LPP: variants seen among roughly 807,000 people sequenced by gnomAD.
The protein encoded by LPP is LIM domain containing preferred translocation partner in lipoma, also known as lipoma-preferred partner.
In LPP, 38 loss-of-function variants were observed where a neutral mutation model predicts 60.4. The ratio of observed to expected loss-of-function variants is 0.63; its 90% CI spans 0.49 to 0.83. The LOEUF (loss-of-function observed/expected upper bound fraction) is 0.83. Among genes scored for constraint, LPP ranks in the 40% least tolerant of loss-of-function variants. The probability of loss-of-function intolerance (pLI) is 0.00; values close to 1 mark genes in which losing one functional copy is unlikely to be tolerated. For missense variants in LPP, 902 were observed against 783.6 expected (o/e 1.15, Z -1.80); for synonymous variants, 328 against 290.8 (o/e 1.13, Z -1.30).
chr3:188,390,328 C>T (rs1228659415), intron 3 of LPP, among the ~76,000 whole-genome samples: 1 of 152,114 alleles, frequency 6.6e-6, no homozygotes, highest in East Asian at 1.9e-4. Context: ...GCTATATTTA[C>T]ATTTTCTTTT....
chr3:188,636,288 G>A (rs1848735568), intron 7 of LPP, among the ~76,000 whole-genome samples: 2 of 152,210 alleles, frequency 1.3e-5, no homozygotes, highest in African/African-American at 4.8e-5. Flanking sequence ...CCAAAGAAAG[G>A]GGTGACAGAC....
At chr3:188,708,678 G>A (rs1865971226) in intron 8 of LPP, 2 of 502,942 alleles carry the variant, frequency 4.0e-6, no homozygotes, top group Non-Finnish European at 7.0e-6. Flanking sequence ...GGCAACATGG[G>A]GAGACCCTGT....
At chr3:188,798,104 T>TG (rs11391816) in intron 9 of LPP, among the ~76,000 whole-genome samples, 95,829 of 152,046 alleles carry the variant, frequency 0.63, 30,632 homozygotes, top group East Asian at 0.9. Flanking sequence ...TGTATGTCTG[T>TG]GTTGACATTG....
intron 8 of LPP, among the ~76,000 whole-genome samples, chr3:188,731,079 A>T (rs1375871069): frequency 6.6e-6 from 1 of 152,214 alleles, no homozygotes; most frequent in Non-Finnish European, 1.5e-5. Context: ...CATATACAGT[A>T]GCATGTTCAT....
intron 9 of LPP, among the ~76,000 whole-genome samples, chr3:188,813,074 C>G (rs1006134174): frequency 1.3e-4 from 20 of 152,060 alleles, no homozygotes; most frequent in African/African-American, 4.8e-4. Flanking sequence ...ATTCCTGGAG[C>G]CAGTTATTGC....
At chr3:188,827,935 C>A (rs565613946) in intron 9 of LPP, among the ~76,000 whole-genome samples, 1 of 152,284 alleles carries the variant, frequency 6.6e-6, no homozygotes, top group East Asian at 1.9e-4. Context: ...TCTCTGTCTA[C>A]CTTTGTATGG....
At chr3:188,201,482 G>A (rs879940585) in intron 1 of LPP, among the ~76,000 whole-genome samples, 39 of 152,134 alleles carry the variant, frequency 2.6e-4, no homozygotes, top group Non-Finnish European at 4.3e-4. Flanking sequence ...TAAGGCGGGC[G>A]GATCACTTGA....
chr3:188,418,243 A>AT (rs1560378219), intron 4 of LPP, among the ~76,000 whole-genome samples: 1 of 152,166 alleles, frequency 6.6e-6, no homozygotes, highest in Non-Finnish European at 1.5e-5. Flanking sequence ...TCCCTTAAGT[A>AT]TTGGTAATGT....
intron 9 of LPP, among the ~76,000 whole-genome samples, chr3:188,782,034 A>C (rs1739949547): frequency 6.6e-6 from 1 of 152,210 alleles, no homozygotes; most frequent in South Asian, 2.1e-4. Flanking sequence ...CACACATGAA[A>C]CACAGAAAAA....
intron 4 of LPP, among the ~76,000 whole-genome samples, chr3:188,428,261 C>G: frequency 6.6e-6 from 1 of 152,206 alleles, no homozygotes; most frequent in East Asian, 1.9e-4. Flanking sequence ...CTAACCAGTC[C>G]CAGTGAGATA....
At chr3:188,675,587 C>T (rs1489474758) in intron 7 of LPP, among the ~76,000 whole-genome samples, 1 of 152,176 alleles carries the variant, frequency 6.6e-6, no homozygotes, top group African/African-American at 2.4e-5. Flanking sequence ...TATCATTGTT[C>T]TAGTTCTATT....
chr3:188,311,187 G>GCT (rs10662292), intron 2 of LPP, among the ~76,000 whole-genome samples: 19,478 of 148,390 alleles, frequency 0.13, 1,607 homozygotes, highest in East Asian at 0.34. Context: ...TATTTTATAT[G>GCT]CTCTCTCTCT....
chr3:188,579,011 G>A (rs768664555), intron 6 of LPP, among the ~76,000 whole-genome samples: 1 of 152,064 alleles, frequency 6.6e-6, no homozygotes, highest in Non-Finnish European at 1.5e-5. Context: ...CCTGTGCCTG[G>A]TAGTCATTGA....
chr3:188,459,841 G>GC lies in LPP; in HGVS notation c.194-24751_194-24750insC, dbSNP rs530600609. Among the ~76,000 whole-genome samples, 409 of 43,412 alleles carry GC rather than the reference G, an allele frequency of 9.4e-3. 3 individuals are homozygous for GC. Among genetic ancestry groups the GC allele is most frequent in the African/African-American group, 0.061 (391 of 6,436 alleles). 28.5% of individuals were successfully genotyped at this position (43,412 alleles called of 152,430 possible). A position where few individuals can be genotyped will look rare whatever the true frequency, so the allele number is the denominator to read the frequency against. ...TAGCAATCTATATTGATTATTCATG[G>GC]GGGGGGGTTCTTTGTTCTGAGATCA... On this transcript the variant is annotated intron_variant, in intron 4 of 11. Transcript: ENST00000617246.
chr3:188,827,283 T>C (rs1387712005), intron 9 of LPP, among the ~76,000 whole-genome samples: 1 of 152,190 alleles, frequency 6.6e-6, no homozygotes, highest in East Asian at 1.9e-4. Context: ...CCACATGTTC[T>C]TTTGAAATAA....
intron 8 of LPP, among the ~76,000 whole-genome samples, chr3:188,714,506 A>G (rs1280826863): frequency 2.6e-5 from 4 of 151,962 alleles, no homozygotes; most frequent in African/African-American, 9.7e-5. Flanking sequence ...GCAAATCACT[A>G]ATAGCCACCG....
intron 1 of LPP, among the ~76,000 whole-genome samples, chr3:188,197,370 G>C (rs974381665): frequency 6.6e-6 from 1 of 152,164 alleles, no homozygotes; most frequent in East Asian, 1.9e-4. Flanking sequence ...CTTTGGGCTA[G>C]TGTCTATCAT....
chr3:188,773,905 G>A (rs528826769), intron 9 of LPP, among the ~76,000 whole-genome samples: 3 of 152,148 alleles, frequency 2.0e-5, no homozygotes, highest in Non-Finnish European at 4.4e-5. Context: ...TGGAGGAAGA[G>A]ACCTGTCCCA....
chr3:188,746,619 C>G lies in LPP; in HGVS notation c.1241-13494C>G, dbSNP rs1200968336. 7 of 465,932 alleles carry G rather than the reference C, an allele frequency of 1.5e-5. No homozygotes were observed. In the East Asian group the frequency reaches 3.6e-4, roughly 24 times the overall value. 28.9% of individuals were successfully genotyped at this position (465,932 alleles called of 1,614,324 possible). On this transcript the variant is annotated intron_variant, in intron 8 of 11. Transcript: ENST00000617246. ...AAAATCACATAGCTGATGCAAGAAA[C>G]CGTTACTGAGCGTATCCATTTTTAT...
Sources: allele counts gnomAD v4.1 joint callset (sites outside exome capture counted in the v4.1 genomes callset), GRCh38; gene constraint gnomAD v4.1.1; transcripts MANE v1.5; gene names NCBI Gene and HGNC (gene_info 2026-07-23, HGNC 2026-07-21).